THAP12: variants seen among roughly 807,000 people sequenced by gnomAD.
The protein encoded by THAP12 is THAP domain containing 12.
A neutral mutation model predicts 63.0 loss-of-function variants in THAP12; 20 were observed. That is an observed-to-expected ratio of 0.32 (90% CI 0.22 to 0.46). The LOEUF (loss-of-function observed/expected upper bound fraction) is 0.46, where lower values mean the gene tolerates loss of function less well. THAP12 is among the 20% of genes least tolerant of loss of function. The pLI, the probability that THAP12 is intolerant of heterozygous loss-of-function variation, is 1.00. For synonymous variants in THAP12, 264 were observed against 328.4 expected, an observed-to-expected ratio of 0.80 and a Z score of 2.12; for missense variants, 568 against 908.2, an observed-to-expected ratio of 0.63 and a Z score of 4.81.
chr11:76,364,764 T>C (rs1237095872), intron 2 of THAP12, among the ~76,000 whole-genome samples: 6 of 152,180 alleles, frequency 3.9e-5, no homozygotes, highest in Admixed American at 3.3e-4. Flanking sequence ...TTTTTCCACA[T>C]TACCTGGATA....
At chr11:76,376,445 A>T (rs1946710902) in intron 1 of THAP12, among the ~76,000 whole-genome samples, 1 of 152,164 alleles carries the variant, frequency 6.6e-6, no homozygotes, top group South Asian at 2.1e-4. Flanking sequence ...ACTCAATACA[A>T]GGAAGAAACA....
At chr11:76,378,531 G>A (rs997050394) in intron 1 of THAP12, among the ~76,000 whole-genome samples, 5 of 151,766 alleles carry the variant, frequency 3.3e-5, no homozygotes, top group Non-Finnish European at 7.4e-5. Context: ...TTAGGCCTTT[G>A]ATCTCAATAA....
chr11:76,361,528 G>A (rs954345216), intron 2 of THAP12, among the ~76,000 whole-genome samples: 7 of 152,174 alleles, frequency 4.6e-5, no homozygotes, highest in African/African-American at 7.2e-5. Flanking sequence ...TGGGACCCAG[G>A]AGACCTAGGA....
chr11:76,360,791 C>G (rs1427218567), intron 3 of THAP12, among the ~76,000 whole-genome samples, 165 bp downstream of exon 3: 2 of 152,206 alleles, frequency 1.3e-5, no homozygotes, highest in Middle Eastern at 3.2e-3. Flanking sequence ...AATACTAAAA[C>G]TCATCATCTC....
In THAP12 at chr11:76,351,327, A is replaced by T; in HGVS notation, c.1823T>A (p.Val608Glu). The change falls in exon 5 of 5, where the codon GTA becomes GAA. Residue 608 changes from valine to glutamate, a missense_variant. Val to Glu is a moderately radical substitution (Grantham distance 121). Transcript: ENST00000260045. Reference protein sequence around the residue: ...HLKALKCLSLVPSVMGQLKFN... With the variant: ...HLKALKCLSLEPSVMGQLKFN... Reference sequence around the variant, plus strand: ...TTTGAGTTGTCCCATGACTGAGGGTACCAGAGATAAGCATTTAAGAGCTTT... The same window carrying T: ...TTTGAGTTGTCCCATGACTGAGGGTTCCAGAGATAAGCATTTAAGAGCTTT... The T allele has an allele frequency of 6.3e-7, 1 of 1,590,920 alleles. No individual in the cohort carries two copies. The highest frequency in any genetic ancestry group is 8.6e-7 in the Non-Finnish European group (1 of 1,164,044).
chr11:76,352,835 A>C, intron 4 of THAP12, 41 bp from the exon 5 acceptor site: 1 of 1,501,400 alleles, frequency 6.7e-7, no homozygotes, highest in Non-Finnish European at 8.9e-7. Flanking sequence ...GGCTCATGAA[A>C]AACCATACAC....
intron 1 of THAP12, among the ~76,000 whole-genome samples, chr11:76,373,873 A>T (rs79583974): frequency 0.039 from 5,973 of 152,262 alleles, 153 homozygotes; most frequent in East Asian, 0.08. Flanking sequence ...GAAAAATTTT[A>T]AAAATATTTA....
chr11:76,371,492 G>A (rs1946673899), intron 1 of THAP12, among the ~76,000 whole-genome samples: 1 of 152,188 alleles, frequency 6.6e-6, no homozygotes, highest in African/African-American at 2.4e-5. Context: ...AGGCATTTAA[G>A]ACTTTCCACC....
At chr11:76,373,244 G>A (rs916215798) in intron 1 of THAP12, among the ~76,000 whole-genome samples, 2 of 150,978 alleles carry the variant, frequency 1.3e-5, no homozygotes, top group African/African-American at 4.9e-5. Context: ...TACTTGGGAG[G>A]ATAAGGCAGG....
rs375196452 is a variant in THAP12 at position 76,376,615 on chromosome 11, G to GTTTTT, written c.89+4128_89+4132dup. Among the ~76,000 whole-genome samples the GTTTTT allele has an allele frequency of 1.6e-4, 20 of 127,782 alleles. 2 individuals carry two copies. Among genetic ancestry groups the GTTTTT allele is most frequent in the South Asian group, 2.7e-4 (1 of 3,760 alleles). 83.8% of individuals were successfully genotyped at this position (127,782 alleles called of 152,430 possible). A position where few individuals can be genotyped will look rare whatever the true frequency, so the allele number is the denominator to read the frequency against. On this transcript the variant is annotated intron_variant, in intron 1 of 4. Coordinates refer to ENST00000260045, the MANE Select transcript of THAP12 (RefSeq NM_004705.4). Reference sequence around the variant, plus strand: ...TCTTCGAATGCTAAATTGTGTCTATGTTTTTTTTGTTTTTTTTTTTTTTTC... The same window carrying GTTTTT: ...TCTTCGAATGCTAAATTGTGTCTATGTTTTTTTTTTTTTGTTTTTTTTTTTTTTTC...
chr11:76,353,429 C>T (rs1946540552), intron 4 of THAP12, among the ~76,000 whole-genome samples: 1 of 152,200 alleles, frequency 6.6e-6, no homozygotes, highest in South Asian at 2.1e-4. Flanking sequence ...AATCCAAGTG[C>T]GTCTGGCTCC....
intron 1 of THAP12, among the ~76,000 whole-genome samples, chr11:76,368,231 C>A (rs747859017): frequency 1.3e-5 from 2 of 152,214 alleles, no homozygotes; most frequent in African/African-American, 2.4e-5. Context: ...TAATCAAATA[C>A]ACCTGACTTT....
At chr11:76,353,971 T>C (rs1946544078) in intron 4 of THAP12, among the ~76,000 whole-genome samples, 1 of 152,242 alleles carries the variant, frequency 6.6e-6, no homozygotes, top group Admixed American at 6.5e-5. Context: ...ATCGTGCCAC[T>C]GCACTCCAGC....
chr11:76,361,520 GGACCCAGGA>G (rs1230823776), intron 2 of THAP12, among the ~76,000 whole-genome samples: 1 of 152,116 alleles, frequency 6.6e-6, no homozygotes, highest in Non-Finnish European at 1.5e-5. Context: ...TATTGGACTG[GGACCCAGGA>G]GACCTAGGAA....
chr11:76,371,597 C>G (rs777593854), intron 1 of THAP12, among the ~76,000 whole-genome samples: 38 of 152,132 alleles, frequency 2.5e-4, no homozygotes, highest in Admixed American at 3.9e-4. Flanking sequence ...TTAAAACTCT[C>G]TTAATCCTGA....
At chr11:76,355,789 A>G in intron 3 of THAP12, 135 bp from the exon 4 acceptor site, 1 of 641,892 alleles carries the variant, frequency 1.6e-6, no homozygotes, top group Non-Finnish European at 2.5e-6. Flanking sequence ...AATTCTTTAT[A>G]TAGTACACAT....
chr11:76,363,537 T>C (rs1946611864), intron 2 of THAP12, among the ~76,000 whole-genome samples: 1 of 152,146 alleles, frequency 6.6e-6, no homozygotes, highest in South Asian at 2.1e-4. Flanking sequence ...GCCAAACTAA[T>C]AAAGCCAAAA....
chr11:76,355,538 G>T, intron 4 of THAP12, 80 bp downstream of exon 4: 1 of 1,312,064 alleles, frequency 7.6e-7, no homozygotes, highest in Non-Finnish European at 1.0e-6. Context: ...TTTCAACACA[G>T]AACATATTTA....
chr11:76,353,751 C>T (rs557133347), intron 4 of THAP12, among the ~76,000 whole-genome samples: 7 of 152,360 alleles, frequency 4.6e-5, no homozygotes, highest in African/African-American at 1.7e-4. Flanking sequence ...TGGCTTACGC[C>T]TGTAATCCCA....
Sources: allele counts gnomAD v4.1 joint callset (sites outside exome capture counted in the v4.1 genomes callset), GRCh38; gene constraint gnomAD v4.1.1; transcripts MANE v1.5; gene names NCBI Gene and HGNC (gene_info 2026-07-23, HGNC 2026-07-21).